The following TMC8 variants were observed in gnomAD, a reference collection of about 807,000 sequenced individuals.
TMC8 encodes the protein transmembrane channel like 8.
A neutral mutation model predicts 76.0 loss-of-function variants in TMC8; 71 were observed. That is an observed-to-expected ratio of 0.93 (90% CI 0.77 to 1.14). The LOEUF (loss-of-function observed/expected upper bound fraction) is 1.14, where lower values mean the gene tolerates loss of function less well. TMC8 is among the 50% of genes most tolerant of loss of function. The pLI, the probability that TMC8 is intolerant of heterozygous loss-of-function variation, is 0.00. For synonymous variants in TMC8, 433 were observed against 433.8 expected (o/e 1.00, Z 0.02); for missense variants, 924 against 947.9 (o/e 0.97, Z 0.33).
In TMC8 at chr17:78,134,140, GGAGCGTGATGGA is replaced by G. The variant is rs2075142264; in HGVS notation, c.816+148_816+159del. On this transcript the variant is annotated intron_variant, in intron 7 of 15. Coordinates refer to ENST00000318430, the MANE Select transcript of TMC8 (RefSeq NM_152468.5). ...GAGCGTGTGTGGGAGGGAGCCTGTG[GGAGCGTGATGGA>G]GAGCGTGTGAATGTGTGTGCATGTG... The G allele has an allele frequency of 2.2e-5, 28 of 1,295,090 alleles. 1 individual carries two copies. The South Asian group carries it at 3.4e-4, about 16-fold the overall frequency. The allele number at this position is 1,295,090 out of a possible 1,614,324, so 80.2% of individuals were successfully genotyped here.
rs1350995817 is a variant in TMC8 at position 78,131,716 on chromosome 17, T to A, written c.128T>A (p.Met43Lys). ...GTPVRGLPYA[M>K]MDKRLIWQLR... ...CCCGTGCGCGGGCTGCCCTATGCCA[T>A]GATGGACAAGCGCCTCATCTGGTGG... The change falls in exon 2 of 16, where the codon ATG becomes AAG. Residue 43 changes from methionine to lysine, a missense_variant. Coordinates refer to ENST00000318430, the MANE Select transcript of TMC8 (RefSeq NM_152468.5). 23 of 1,584,988 alleles carry A rather than the reference T, an allele frequency of 1.5e-5. No individual in the cohort carries two copies. The highest frequency in any genetic ancestry group is 2.0e-5 in the Non-Finnish European group (23 of 1,167,638).
intron 4 of TMC8, 80 bp downstream of exon 4, chr17:78,132,588 G>A: frequency 6.4e-7 from 1 of 1,550,692 alleles, no homozygotes; most frequent in Non-Finnish European, 8.7e-7. Flanking sequence ...CCAGAGCGTG[G>A]CGACAACGCT....
At chr17:78,134,107 G>A in intron 7 of TMC8, 107 bp downstream of exon 7, 1 of 1,517,102 alleles carries the variant, frequency 6.6e-7, no homozygotes, top group Non-Finnish European at 9.1e-7. Context: ...GACCGTGCCA[G>A]TGTGTGTGAG....
Position 78,139,175 on chromosome 17 carries a change from G to A in TMC8, c.1837G>A (p.Val613Met). The A allele has an allele frequency of 6.2e-7, 1 of 1,613,746 alleles. No homozygotes were observed. The highest frequency in any genetic ancestry group is 8.5e-7 in the Non-Finnish European group (1 of 1,180,034). The stretch of plus-strand genomic sequence containing the variant: ...TTCCCACCCAAGCCTTGTCCTGACG[G>A]TGTGCGTCTCCCAGACCCAGGCCAA... ...LLIMLSLVLT[V>M]CVSQTQANAR... Residue 613 changes from valine (V) to methionine (M), a missense_variant, in exon 15 of 16, where the codon GTG becomes ATG. Coordinates refer to ENST00000318430, the MANE Select transcript of TMC8 (RefSeq NM_152468.5).
At chr17:78,137,613 A>AC (rs2075267730) in intron 10 of TMC8, 104 bp from the exon 11 acceptor site, 2 of 1,196,742 alleles carry the variant, frequency 1.7e-6, no homozygotes, top group African/African-American at 1.5e-5. Context: ...TCTATCAGAC[A>AC]CCAGGCAAGG....
At chr17:78,137,150 C>A in intron 9 of TMC8, 85 bp from the exon 10 acceptor site, 1 of 1,582,174 alleles carries the variant, frequency 6.3e-7, no homozygotes, top group South Asian at 1.1e-5. Flanking sequence ...TGATCCCACT[C>A]GGACATCAGC....
At position 78,134,498 on chromosome 17, in the gene TMC8, G is replaced by T. The variant is rs2075166189; in HGVS notation, c.921G>T (p.Gly307=). The part of the protein sequence containing the change: ...LSYLRVNVLN[G]LLVVGAISAI... Reference sequence around the variant, plus strand: ...ACCTGCGGGTCAACGTACTCAACGGGCTCCTGGTGGTTGGGGCCATCAGCG... The same window carrying T: ...ACCTGCGGGTCAACGTACTCAACGGTCTCCTGGTGGTTGGGGCCATCAGCG... The change falls in exon 8 of 16, where the codon GGG becomes GGT. Residue 307 remains glycine, a synonymous_variant. Transcript: ENST00000318430. The T allele has an allele frequency of 6.2e-7, 1 of 1,613,958 alleles. No homozygotes were observed. Among genetic ancestry groups the T allele is most frequent in the Non-Finnish European group, 8.5e-7 (1 of 1,180,044 alleles).
At chr17:78,132,719 A>C in intron 4 of TMC8, 69 bp from the exon 5 acceptor site, 1 of 1,572,554 alleles carries the variant, frequency 6.4e-7, no homozygotes, top group Non-Finnish European at 8.8e-7. Flanking sequence ...GGGGTTATAG[A>C]GCAGTAGCCG....
chr17:78,132,339 A>G lies in TMC8; in HGVS notation c.299-20A>G, dbSNP rs1387623790. On this transcript the variant is annotated intron_variant, in intron 3 of 15. Coordinates refer to ENST00000318430, the MANE Select transcript of TMC8 (RefSeq NM_152468.5). ...GCCCCGGCCCCGGCCTCCCTGACCC[A>G]CCCTGCTCTCCCACTGCAGGCCTCT... 1.2e-6 allele frequency: 2 copies of G among 1,611,420 alleles called. No individual in the cohort carries two copies. The highest frequency in any genetic ancestry group is 1.7e-6 in the Non-Finnish European group (2 of 1,179,288).
intron 8 of TMC8, 64 bp from the exon 9 acceptor site, chr17:78,134,806 G>T (rs1018418762): frequency 5.0e-6 from 8 of 1,607,584 alleles, no homozygotes; most frequent in Admixed American, 1.7e-5. Context: ...GGGCACTGTG[G>T]GGGGCGGGGA....
chr17:78,140,704 G>A, intron 15 of TMC8, 130 bp from the exon 16 acceptor site: 1 of 1,282,966 alleles, frequency 7.8e-7, no homozygotes, highest in South Asian at 1.3e-5. Flanking sequence ...GTGGCCTCGG[G>A]CGGGGCGTGG....
chr17:78,137,797 G>A lies in TMC8; in HGVS notation c.1332G>A (p.Leu444=). The A allele has an allele frequency of 6.2e-7, 1 of 1,613,380 alleles. No individual in the cohort carries two copies. Among genetic ancestry groups the A allele is most frequent in the Non-Finnish European group, 8.5e-7 (1 of 1,179,996 alleles). ...NFLLTVAFAF[L]VTLPRRLLVD... ...TCCTCACCGTGGCCTTCGCCTTCCT[G>A]GTCACCCTGCCTCGGAGGTGAGCCC... The change falls in exon 11 of 16, where the codon CTG becomes CTA. Residue 444 remains leucine (L), a synonymous_variant. Coordinates refer to ENST00000318430, the MANE Select transcript of TMC8 (RefSeq NM_152468.5).
In TMC8 at chr17:78,140,843, G is replaced by T. The variant is rs373080751; in HGVS notation, c.1912G>T (p.Glu638Ter). Residue 638 changes from glutamate (E) to a stop codon, truncating the protein, a stop_gained, in exon 16 of 16, where the codon GAG (glutamate) becomes TAG (stop). Transcript: ENST00000318430. LOFTEE classifies it low-confidence loss of function (END_TRUNC). ...LRKQLVWQVQEKWHLVEDLSR... is the reference protein window; with the variant it reads ...LRKQLVWQVQ ...CTTGTTCTCCTCACAGCAGGTTCAGGAGAAGTGGCACCTGGTGGAGGACCT... is the reference window on the plus strand; with the variant it reads ...CTTGTTCTCCTCACAGCAGGTTCAGTAGAAGTGGCACCTGGTGGAGGACCT... 6.8e-6 allele frequency: 11 copies of T among 1,608,498 alleles called. No homozygotes were observed. The highest frequency in any genetic ancestry group is 1.3e-5 in the African/African-American group (1 of 74,874).
At position 78,140,982 on chromosome 17, in the gene TMC8, C is replaced by T. The variant is rs760316608; in HGVS notation, c.2051C>T (p.Pro684Leu). The part of the protein sequence containing the change: ...FCPGCPCPGS[P>L]GHQAPRPGPS... ...CCCGGATGCCCATGCCCTGGCTCCC[C>T]GGGCCACCAGGCCCCGCGGCCGGGC... The change falls in exon 16 of 16, where the codon CCG becomes CTG. Residue 684 changes from proline (P) to leucine (L), a missense_variant. Physicochemically the swap from Pro to Leu is moderately conservative, Grantham distance 98. Transcript: ENST00000318430. 2 of 1,592,778 alleles carry T rather than the reference C, an allele frequency of 1.3e-6. No homozygotes were observed. The highest frequency in any genetic ancestry group is 8.5e-7 in the Non-Finnish European group (1 of 1,170,570).
chr17:78,138,348 G>A lies in TMC8; in HGVS notation c.1534-1G>A. On this transcript the variant is annotated splice_acceptor_variant, in intron 12 of 15. Coordinates refer to ENST00000318430, the MANE Select transcript of TMC8 (RefSeq NM_152468.5). LOFTEE classifies it high-confidence loss of function. Reference sequence around the variant, plus strand: ...CTGGTTGCTATTGCTTGCGCCCCCAGTACACCCTCCTGAAGAACTCCAGGG... The same window carrying A: ...CTGGTTGCTATTGCTTGCGCCCCCAATACACCCTCCTGAAGAACTCCAGGG... The A allele has an allele frequency of 1.9e-6, 3 of 1,610,798 alleles. No homozygotes were observed. The highest frequency in any genetic ancestry group is 2.5e-6 in the Non-Finnish European group (3 of 1,179,996).
At chr17:78,139,127 G>A in intron 14 of TMC8, 35 bp from the exon 15 acceptor site, 4 of 1,611,718 alleles carry the variant, frequency 2.5e-6, no homozygotes, top group Non-Finnish European at 3.4e-6. Context: ...TGTGGCCCCA[G>A]GGGCAACTGA....
intron 4 of TMC8, 71 bp from the exon 5 acceptor site, chr17:78,132,717 A>G: frequency 6.4e-7 from 1 of 1,569,746 alleles, no homozygotes; most frequent in Non-Finnish European, 8.8e-7. Context: ...TGGGGGTTAT[A>G]GAGCAGTAGC....
chr17:78,132,764 A>G (rs1418915125), intron 4 of TMC8, 24 bp from the exon 5 acceptor site: 3 of 1,613,172 alleles, frequency 1.9e-6, no homozygotes, highest in Non-Finnish European at 2.5e-6. Context: ...ATCCCTCTCT[A>G]TTGACCCCCT....
intron 15 of TMC8, among the ~76,000 whole-genome samples, chr17:78,139,698 T>C (rs1246502013): frequency 1.5e-5 from 2 of 135,024 alleles, no homozygotes; most frequent in Non-Finnish European, 3.1e-5. Context: ...AAGACCAGCC[T>C]GGCCAAAATA....
Sources: allele counts gnomAD v4.1 joint callset (sites outside exome capture counted in the v4.1 genomes callset), GRCh38; gene constraint gnomAD v4.1.1; transcripts MANE v1.5; gene names NCBI Gene and HGNC (gene_info 2026-07-23, HGNC 2026-07-21).